Variants in FRMD5 observed in about 807,000 individuals in gnomAD.
FRMD5 encodes the protein FERM domain containing 5, also known as FERM domain-containing protein 5.
In FRMD5, 20 loss-of-function variants were observed where a neutral mutation model predicts 69.0. The observed-to-expected ratio is 0.29, with a 90% CI of 0.20 to 0.42. The LOEUF is 0.42. FRMD5 is among the 10% of genes least tolerant of loss of function. The pLI is 1.00. For synonymous variants in FRMD5, 271 were observed against 260.1 expected (o/e 1.04, Z -0.40); for missense variants, 595 against 708.6 (o/e 0.84, Z 1.82).
intron 1 of FRMD5, among the ~76,000 whole-genome samples, chr15:43,940,729 T>C (rs2089847603): frequency 6.6e-6 from 1 of 152,142 alleles, no homozygotes; most frequent in African/African-American, 2.4e-5. Context: ...ATTAAATCAA[T>C]ATTTAGGTGG....
At chr15:44,007,242 T>C (rs192890487) in intron 1 of FRMD5, among the ~76,000 whole-genome samples, 169 of 152,366 alleles carry the variant, frequency 1.1e-3, no homozygotes, top group African/African-American at 3.9e-3. Context: ...ATAATGCTAT[T>C]ACACACTTGA....
At chr15:44,185,373 A>G (rs1001564217) in intron 1 of FRMD5, among the ~76,000 whole-genome samples, 11 of 152,236 alleles carry the variant, frequency 7.2e-5, no homozygotes, top group Admixed American at 5.2e-4. Context: ...TTAGACAGAT[A>G]AGTGTATACT....
chr15:43,993,813 C>A (rs1889800247), intron 1 of FRMD5, among the ~76,000 whole-genome samples: 2 of 152,110 alleles, frequency 1.3e-5, no homozygotes, highest in Admixed American at 6.6e-5. Flanking sequence ...GATGAACTGA[C>A]CTCCTTATCT....
At chr15:44,156,846 T>C (rs1356936907) in intron 1 of FRMD5, among the ~76,000 whole-genome samples, 1 of 152,170 alleles carries the variant, frequency 6.6e-6, no homozygotes, top group Non-Finnish European at 1.5e-5. Flanking sequence ...GCAGGAGGAC[T>C]GCTCCAGCTC....
chr15:43,889,919 TCTC>T (rs2088754743), intron 8 of FRMD5, among the ~76,000 whole-genome samples: 1 of 152,134 alleles, frequency 6.6e-6, no homozygotes, highest in African/African-American at 2.4e-5. Context: ...ATTTCCTTCA[TCTC>T]CTAGGAAATA....
intron 6 of FRMD5, among the ~76,000 whole-genome samples, chr15:43,905,015 C>T (rs2089137149): frequency 1.3e-5 from 2 of 152,124 alleles, no homozygotes; most frequent in South Asian, 2.1e-4. Context: ...GCTCCCAAGG[C>T]ACCCTCAGCA....
In FRMD5 at chr15:44,185,024, C is replaced by T. The variant is rs530483880; in HGVS notation, c.102+9929G>A. On this transcript the variant is annotated intron_variant, in intron 1 of 13. Coordinates refer to ENST00000417257, the MANE Select transcript of FRMD5 (RefSeq NM_032892.5). ...AATTAGAAAACAGTTTATAGATGTA[C>T]AGTCTGTAATGTGGCTATTCATTTA... Among the ~76,000 whole-genome samples, 21 of 152,246 alleles carry T rather than the reference C, an allele frequency of 1.4e-4. No homozygotes were observed. The South Asian group carries it at 3.5e-3, about 26-fold the overall frequency.
At chr15:44,041,818 A>G (rs1892207358) in intron 1 of FRMD5, among the ~76,000 whole-genome samples, 2 of 152,354 alleles carry the variant, frequency 1.3e-5, no homozygotes, top group Admixed American at 1.3e-4. Flanking sequence ...GATGCCCACA[A>G]GAGAAAGCAG....
At chr15:44,017,445 T>C (rs1891017119) in intron 1 of FRMD5, among the ~76,000 whole-genome samples, 1 of 152,126 alleles carries the variant, frequency 6.6e-6, no homozygotes, top group African/African-American at 2.4e-5. Flanking sequence ...GGTTAAGGCC[T>C]TTCAAATTTT....
intron 1 of FRMD5, among the ~76,000 whole-genome samples, chr15:43,927,882 G>C (rs182988177): frequency 6.6e-6 from 1 of 152,226 alleles, no homozygotes; most frequent in Admixed American, 6.5e-5. Context: ...TTCTGTGATG[G>C]AAATCATACA....
rs146884411 is a variant in FRMD5, at chr15:43,949,329, G to A, written c.103-25020C>T. 6.2e-4 allele frequency among the ~76,000 whole-genome samples: 94 copies of A among 152,258 alleles called. 1 individual carries two copies. The Middle Eastern group carries it at 0.01, about 17-fold the overall frequency. ...GTCCACATGGGTTCCCCTTCACAAT[G>A]GGATGGGCTTTCCATCCCTTTTAAA... On this transcript the variant is annotated intron_variant, in intron 1 of 13. Coordinates refer to ENST00000417257, the MANE Select transcript of FRMD5 (RefSeq NM_032892.5).
chr15:43,924,325 A>G lies in FRMD5; in HGVS notation c.103-16T>C. The G allele has an allele frequency of 6.3e-7, 1 of 1,593,644 alleles. No individual in the cohort carries two copies. Among genetic ancestry groups the G allele is most frequent in the Non-Finnish European group, 8.6e-7 (1 of 1,163,626 alleles). On this transcript the variant is annotated splice_polypyrimidine_tract_variant and intron_variant, in intron 1 of 13. Coordinates refer to ENST00000417257, the MANE Select transcript of FRMD5 (RefSeq NM_032892.5). The stretch of plus-strand genomic sequence containing the variant: ...TGGCATCTCTCTGCAAAGAAAGAAA[A>G]CTCCATTGAGAAATGAGTGGGTTTC...
intron 1 of FRMD5, among the ~76,000 whole-genome samples, chr15:44,087,215 T>C (rs1198009228): frequency 1.3e-5 from 2 of 152,164 alleles, no homozygotes; most frequent in African/African-American, 2.4e-5. Context: ...AGATGGGGTT[T>C]CAGCATGTTG....
At chr15:43,902,811 C>T (rs2140401122) in intron 6 of FRMD5, among the ~76,000 whole-genome samples, 1 of 151,992 alleles carries the variant, frequency 6.6e-6, no homozygotes, top group South Asian at 2.1e-4. Flanking sequence ...AAACAAAATA[C>T]ATCTGTAGGC....
chr15:44,122,680 C>T (rs1465456934), intron 1 of FRMD5, among the ~76,000 whole-genome samples: 1 of 152,190 alleles, frequency 6.6e-6, no homozygotes, highest in East Asian at 1.9e-4. Context: ...GAGGGCAGAT[C>T]ACGAGGTCAG....
At chr15:44,058,716 G>A (rs1892970062) in intron 1 of FRMD5, among the ~76,000 whole-genome samples, 1 of 150,996 alleles carries the variant, frequency 6.6e-6, no homozygotes, top group South Asian at 2.1e-4. Flanking sequence ...AACCTGGAAG[G>A]TGGAGCTTGC....
rs2077588453 is a variant in FRMD5, at chr15:44,160,011, T to C, written c.102+34942A>G. ...GTGAGCCAAAGATGAATAAGTAGCA[T>C]GGCTGACCCTTCACGGTAGCCACTG... On this transcript the variant is annotated intron_variant, in intron 1 of 13. Transcript: ENST00000417257. Among the ~76,000 whole-genome samples the C allele has an allele frequency of 2.0e-5, 3 of 152,192 alleles. No individual in the cohort carries two copies. The South Asian group carries it at 6.2e-4, about 32-fold the overall frequency.
chr15:44,045,206 C>A (rs1892375574), intron 1 of FRMD5, among the ~76,000 whole-genome samples: 1 of 152,166 alleles, frequency 6.6e-6, no homozygotes, highest in African/African-American at 2.4e-5. Context: ...TTACAAAATT[C>A]AATTAGGTCA....
upstream of FRMD5, among the ~76,000 whole-genome samples, chr15:44,195,609 C>G (rs1333948276): frequency 6.6e-6 from 1 of 152,240 alleles, no homozygotes; most frequent in Non-Finnish European, 1.5e-5. Flanking sequence ...AGCCAAGCCT[C>G]GCACCCTGCA....
Sources: gnomAD v4.1 joint callset for allele counts (sites outside exome capture counted in the v4.1 genomes callset) on GRCh38, gnomAD v4.1.1 for gene constraint, MANE v1.5 for transcripts, NCBI Gene and HGNC (gene_info 2026-07-23, HGNC 2026-07-21) for gene names.